Variants in PIGN observed in about 807,000 individuals in gnomAD.
The protein encoded by PIGN is GPI ethanolamine phosphate transferase 1.
A neutral mutation model predicts 125.4 loss-of-function variants in PIGN; 117 were observed. That is an observed-to-expected ratio of 0.93 (90% CI 0.80 to 1.09). The LOEUF is 1.09. Among genes scored for constraint, PIGN ranks in the 50% least tolerant of loss-of-function variants. The pLI is 0.00. For synonymous variants in PIGN, 392 were observed against 377.8 expected, an observed-to-expected ratio of 1.04 and a Z score of -0.44; for missense variants, 1,075 against 1,094.9, an observed-to-expected ratio of 0.98 and a Z score of 0.26.
chr18:62,173,815 A>G (rs750622080), intron 1 of PIGN, among the ~76,000 whole-genome samples: 1 of 152,224 alleles, frequency 6.6e-6, no homozygotes, highest in Non-Finnish European at 1.5e-5. Flanking sequence ...TGCCAATTCA[A>G]CCACCTAATT....
intron 23 of PIGN, among the ~76,000 whole-genome samples, chr18:62,017,919 T>C (rs1339377084): frequency 6.6e-6 from 1 of 152,154 alleles, no homozygotes; most frequent in African/African-American, 2.4e-5. Flanking sequence ...ATTACCACCC[T>C]GAACAAAACT....
chr18:62,085,363 C>T (rs958393822), intron 25 of PIGN, 99 bp from the exon 26 acceptor site: 7 of 787,242 alleles, frequency 8.9e-6, no homozygotes, highest in Admixed American at 4.7e-5. Context: ...GAGTAATTTG[C>T]TCTTTTACTT....
intron 14 of PIGN, among the ~76,000 whole-genome samples, chr18:62,130,954 G>A (rs1227043614): frequency 6.6e-6 from 1 of 152,086 alleles, no homozygotes; most frequent in African/African-American, 2.4e-5. Flanking sequence ...TGTCATAAGT[G>A]AATAAATGAA....
intron 1 of PIGN, among the ~76,000 whole-genome samples, chr18:62,170,281 C>T (rs557958780): frequency 1.1e-4 from 16 of 152,240 alleles, no homozygotes; most frequent in African/African-American, 2.2e-4. Flanking sequence ...GATTGCTCTT[C>T]GCAGATTTAT....
rs765518631 is a variant in PIGN at position 62,113,331 on chromosome 18, CAT to C, written c.1252-17_1252-16del. The C allele has an allele frequency of 1.1e-5, 17 of 1,557,602 alleles. No homozygotes were observed. The highest frequency in any genetic ancestry group is 1.0e-4 in the Admixed American group (5 of 47,818). ...CAAAGGGAGACCTATGGAGAAAAAACATATATAACTTGCTAACAGAAATAATA... is the reference window on the plus strand; with the variant it reads ...CAAAGGGAGACCTATGGAGAAAAAACATATAACTTGCTAACAGAAATAATA... On this transcript the variant is annotated splice_polypyrimidine_tract_variant and intron_variant, in intron 15 of 30. Transcript: ENST00000640252.
chr18:62,068,774 A>T (rs2032671965), intron 30 of PIGN, among the ~76,000 whole-genome samples: 1 of 151,886 alleles, frequency 6.6e-6, no homozygotes, highest in Non-Finnish European at 1.5e-5. Flanking sequence ...TTGTTTCCAC[A>T]CTTCTTGTTC....
At position 62,154,654 on chromosome 18, in the gene PIGN, G is replaced by A. The variant is rs753633301; in HGVS notation, c.443-3C>T. The A allele has an allele frequency of 1.5e-6, 2 of 1,334,260 alleles. No homozygotes were observed. Among genetic ancestry groups the A allele is most frequent in the Non-Finnish European group, 2.1e-6 (2 of 936,010 alleles). The allele number at this position is 1,334,260 out of a possible 1,614,324, so 82.7% of individuals were successfully genotyped here. ...ATAAACGTGGTCTCCACTAGCACCT[G>A]AAAAGAAAATTTGGAAAAAATAATC... On this transcript the variant is annotated splice_polypyrimidine_tract_variant and splice_region_variant and intron_variant, in intron 6 of 30. Transcript: ENST00000640252.
At chr18:62,143,178 CCT>C (rs1334866101) in intron 11 of PIGN, 126 bp downstream of exon 11, 4 of 609,708 alleles carry the variant, frequency 6.6e-6, no homozygotes, top group African/African-American at 2.0e-5. Context: ...AAAGAATTCC[CCT>C]TAGTAACTGA....
chr18:62,034,281 T>C (rs917086411), intron 23 of PIGN, among the ~76,000 whole-genome samples: 8 of 152,224 alleles, frequency 5.3e-5, no homozygotes. Context: ...TCTCACTATG[T>C]TGCCCAGGCT....
intron 1 of PIGN, among the ~76,000 whole-genome samples, chr18:62,180,755 G>A (rs554588322): frequency 6.6e-6 from 1 of 152,204 alleles, no homozygotes; most frequent in South Asian, 2.1e-4. Context: ...GTGTGTGTAT[G>A]TTTATACATA....
chr18:62,119,881 G>C (rs1351595380), intron 14 of PIGN, among the ~76,000 whole-genome samples: 2 of 150,696 alleles, frequency 1.3e-5, no homozygotes, highest in Non-Finnish European at 3.0e-5. Context: ...AAAGAAAAAA[G>C]AAAAGAAAAT....
intron 1 of PIGN, among the ~76,000 whole-genome samples, chr18:62,171,732 T>C (rs1436992411): frequency 2.0e-5 from 3 of 152,214 alleles, no homozygotes; most frequent in Non-Finnish European, 4.4e-5. Context: ...CCTGTTAATG[T>C]GGTGAATTAA....
intron 7 of PIGN, among the ~76,000 whole-genome samples, chr18:62,151,676 T>G (rs928037126): frequency 2.6e-5 from 4 of 152,350 alleles, no homozygotes; most frequent in Admixed American, 2.6e-4. Context: ...CATACTTTCC[T>G]TTCTTTCCCG....
intron 17 of PIGN, among the ~76,000 whole-genome samples, chr18:62,109,201 T>C (rs1251664384): frequency 6.6e-6 from 1 of 152,228 alleles, no homozygotes; most frequent in Non-Finnish European, 1.5e-5. Flanking sequence ...CTAGTGGTTT[T>C]ATTAAAAGTG....
downstream of PIGN, among the ~76,000 whole-genome samples, chr18:62,037,269 T>C (rs1420970237): frequency 6.6e-6 from 1 of 152,210 alleles, no homozygotes; most frequent in Non-Finnish European, 1.5e-5. Flanking sequence ...TGAAATTAGC[T>C]CTGAGTTGAC....
chr18:62,028,605 G>T (rs2030155551), intron 23 of PIGN, among the ~76,000 whole-genome samples: 2 of 152,170 alleles, frequency 1.3e-5, no homozygotes, highest in Admixed American at 1.3e-4. Flanking sequence ...AAATTGAAAA[G>T]CATTGTGCTG....
intron 1 of PIGN, among the ~76,000 whole-genome samples, chr18:62,179,918 C>T (rs56112753): frequency 6.6e-6 from 1 of 152,026 alleles, no homozygotes; most frequent in Admixed American, 6.5e-5. Context: ...CTAATCAGTA[C>T]TACCAAAAAA....
chr18:62,028,917 G>A (rs1193213888), intron 23 of PIGN, among the ~76,000 whole-genome samples: 12 of 152,196 alleles, frequency 7.9e-5, no homozygotes, highest in Admixed American at 6.5e-5. Flanking sequence ...GTAGATCAGC[G>A]CTGTCAACTC....
At chr18:62,105,375 T>C (rs2146400710) in intron 20 of PIGN, 168 bp downstream of exon 20, 1 of 514,666 alleles carries the variant, frequency 1.9e-6, no homozygotes, top group East Asian at 3.3e-5. Flanking sequence ...TTAATGACTC[T>C]TAGAACCTAG....
Sources: gnomAD v4.1 joint callset for allele counts (sites outside exome capture counted in the v4.1 genomes callset) on GRCh38, gnomAD v4.1.1 for gene constraint, MANE v1.5 for transcripts, NCBI Gene and HGNC (gene_info 2026-07-23, HGNC 2026-07-21) for gene names.